Variants in DCAF5 observed in about 807,000 individuals in gnomAD.
DCAF5 encodes DDB1 and CUL4 associated factor 5.
DCAF5 carries 9 observed loss-of-function variants against 80.7 expected under a neutral mutation model. The observed-to-expected ratio is 0.11, with a 90% CI of 0.07 to 0.19. DCAF5 has a LOEUF of 0.19. DCAF5 is among the 10% of genes least tolerant of loss of function. DCAF5 has a pLI of 1.00. For missense variants in DCAF5, 842 were observed against 1,205.7 expected, an observed-to-expected ratio of 0.70 and a Z score of 4.47; for synonymous variants, 433 against 461.9, an observed-to-expected ratio of 0.94 and a Z score of 0.80.
At chr14:69,151,608 T>G (rs1273357275) in intron 1 of DCAF5, among the ~76,000 whole-genome samples, 3 of 151,884 alleles carry the variant, frequency 2.0e-5, no homozygotes, top group African/African-American at 7.2e-5. Flanking sequence ...CCCCCTCCCC[T>G]GAGCCAGGTT....
chr14:69,071,908 G>A (rs1465580067), intron 7 of DCAF5, among the ~76,000 whole-genome samples: 2 of 152,210 alleles, frequency 1.3e-5, no homozygotes, highest in Non-Finnish European at 2.9e-5. Context: ...CCATGTTGAA[G>A]AGTAGGGCTG....
intron 7 of DCAF5, among the ~76,000 whole-genome samples, chr14:69,069,559 G>A (rs2038601701): frequency 6.6e-6 from 1 of 152,150 alleles, no homozygotes; most frequent in African/African-American, 2.4e-5. Flanking sequence ...TCAGCCTCCT[G>A]AGCAACTGGG....
At chr14:69,061,034 C>T (rs1028910899) in intron 8 of DCAF5, among the ~76,000 whole-genome samples, 5 of 151,186 alleles carry the variant, frequency 3.3e-5, no homozygotes, top group Non-Finnish European at 7.4e-5. Flanking sequence ...AAACAAGGGT[C>T]TCACTCTGTT....
At chr14:69,131,317 G>A (rs1045427816) in intron 1 of DCAF5, among the ~76,000 whole-genome samples, 3 of 151,852 alleles carry the variant, frequency 2.0e-5, no homozygotes, top group South Asian at 2.1e-4. Context: ...TTTCTTCTCA[G>A]CCCATTTATT....
chr14:69,102,184 C>A (rs1480446535), intron 5 of DCAF5, among the ~76,000 whole-genome samples: 1 of 148,224 alleles, frequency 6.7e-6, no homozygotes, highest in Non-Finnish European at 1.5e-5. Flanking sequence ...TCTCGGTTCA[C>A]TGCAACCTCC....
intron 3 of DCAF5, 129 bp downstream of exon 3, chr14:69,119,065 T>A (rs993518795): frequency 4.8e-6 from 4 of 836,402 alleles, no homozygotes; most frequent in African/African-American, 1.8e-5. Context: ...GGAATTTTTT[T>A]AGAAAAGAAC....
At chr14:69,056,160 T>C (rs981667975) in intron 8 of DCAF5, among the ~76,000 whole-genome samples, 59 of 152,310 alleles carry the variant, frequency 3.9e-4, no homozygotes, top group Admixed American at 1.3e-3. Context: ...TTTTAACTAA[T>C]GGGAATTGCT....
chr14:69,098,112 T>A (rs917215260), intron 5 of DCAF5, among the ~76,000 whole-genome samples: 1 of 149,266 alleles, frequency 6.7e-6, no homozygotes, highest in African/African-American at 2.5e-5. Flanking sequence ...CCTACCCTCA[T>A]CCTTTATGTC....
intron 8 of DCAF5, among the ~76,000 whole-genome samples, chr14:69,058,637 C>T (rs1217511795): frequency 2.0e-5 from 3 of 151,706 alleles, no homozygotes; most frequent in African/African-American, 7.3e-5. Flanking sequence ...GACTTTGGGA[C>T]GTCAAGGCAG....
intron 5 of DCAF5, among the ~76,000 whole-genome samples, chr14:69,103,576 C>T (rs2140011245): frequency 6.6e-6 from 1 of 152,334 alleles, no homozygotes; most frequent in South Asian, 2.1e-4. Flanking sequence ...TACATTGGCA[C>T]AATCCACAGA....
At chr14:69,108,386 T>C (rs1372036099) in intron 5 of DCAF5, among the ~76,000 whole-genome samples, 1 of 152,044 alleles carries the variant, frequency 6.6e-6, no homozygotes, top group Non-Finnish European at 1.5e-5. Flanking sequence ...ATCCTCTATG[T>C]GTATGTGTTT....
At chr14:69,108,828 G>C (rs1339948324) in intron 5 of DCAF5, among the ~76,000 whole-genome samples, 2 of 152,084 alleles carry the variant, frequency 1.3e-5, no homozygotes, top group Admixed American at 1.3e-4. Context: ...ATTGTGACGA[G>C]CAAAATCCCA....
intron 1 of DCAF5, among the ~76,000 whole-genome samples, chr14:69,137,885 T>C (rs1036194607): frequency 1.2e-4 from 19 of 152,368 alleles, no homozygotes; most frequent in Admixed American, 4.6e-4. Context: ...AATGTATTAC[T>C]GTGCCTAACT....
At chr14:69,112,885 C>T (rs1187116484) in intron 5 of DCAF5, among the ~76,000 whole-genome samples, 2 of 152,166 alleles carry the variant, frequency 1.3e-5, no homozygotes, top group African/African-American at 4.8e-5. Flanking sequence ...AGAAGTATGG[C>T]TTCAGAGCCT....
intron 5 of DCAF5, among the ~76,000 whole-genome samples, chr14:69,116,029 C>T (rs1447115175): frequency 3.3e-5 from 5 of 152,102 alleles, no homozygotes; most frequent in African/African-American, 9.7e-5. Context: ...CTCCACCCAC[C>T]CCACACCAAG....
chr14:69,085,775 C>T (rs573356082), intron 6 of DCAF5, among the ~76,000 whole-genome samples: 1 of 152,226 alleles, frequency 6.6e-6, no homozygotes, highest in South Asian at 2.1e-4. Context: ...CCCCCTTCCT[C>T]AAAAAAAGTT....
chr14:69,083,345 G>C (rs1304245690), intron 6 of DCAF5: 1 of 168,840 alleles, frequency 5.9e-6, no homozygotes, highest in African/African-American at 2.4e-5. Context: ...TTATATTCCG[G>C]AACTGAGTAG....
At position 69,152,425 on chromosome 14, in the gene DCAF5, C is replaced by T. The variant is rs1185604623; in HGVS notation, c.214+340G>A. ...AATGCCCCCAGCACCTTTTAAAGTA[C>T]GCGGAGGAAGAGTTTGCCGTCAAAC... On this transcript the variant is annotated intron_variant, in intron 1 of 8. Coordinates refer to ENST00000341516, the MANE Select transcript of DCAF5 (RefSeq NM_003861.3). The surrounding 1 kb of genome is among the most constrained non-coding windows in gnomAD (Gnocchi z 4.1). 6 of 223,542 alleles carry T rather than the reference C, an allele frequency of 2.7e-5. No homozygotes were observed. The highest frequency in any genetic ancestry group is 1.1e-4 in the African/African-American group (5 of 43,628). The allele number at this position is 223,542 out of a possible 1,614,324, so 13.8% of individuals were successfully genotyped here.
chr14:69,097,510 A>G (rs186367654), intron 5 of DCAF5, among the ~76,000 whole-genome samples: 170 of 151,564 alleles, frequency 1.1e-3, no homozygotes, highest in Non-Finnish European at 1.9e-3. Flanking sequence ...TTTCTATTCT[A>G]TATTTTTTAT....
Sources: gnomAD v4.1 joint callset for allele counts (sites outside exome capture counted in the v4.1 genomes callset) on GRCh38, gnomAD v4.1.1 for gene constraint, Gnocchi (gnomAD v3.1) non-coding constraint, MANE v1.5 for transcripts, NCBI Gene and HGNC (gene_info 2026-07-23, HGNC 2026-07-21) for gene names.